LRP1B: variants seen among roughly 807,000 people sequenced by gnomAD.
LRP1B encodes low-density lipoprotein receptor-related protein 1B.
Under a neutral mutation model 556.6 loss-of-function variants are expected in LRP1B, and 217 were observed. The ratio of observed to expected loss-of-function variants is 0.39; its 90% CI spans 0.35 to 0.44. LRP1B has a LOEUF of 0.44. Ranked by LOEUF, LRP1B falls within the 20% of genes least tolerant of loss-of-function variation. The pLI, the probability that LRP1B is intolerant of heterozygous loss-of-function variation, is 1.00. For missense variants in LRP1B, 5,053 were observed against 5,620.8 expected, an observed-to-expected ratio of 0.90 and a Z score of 3.23; for synonymous variants, 2,047 against 1,865.8, an observed-to-expected ratio of 1.10 and a Z score of -2.50.
At chr2:141,678,167 G>A (rs1220571825) in intron 2 of LRP1B, among the ~76,000 whole-genome samples, 3 of 152,054 alleles carry the variant, frequency 2.0e-5, no homozygotes, top group Non-Finnish European at 2.9e-5. Context: ...TACAGTTGAA[G>A]GAATATAAAC....
intron 2 of LRP1B, among the ~76,000 whole-genome samples, chr2:141,717,589 T>C (rs1020665654): frequency 6.6e-6 from 1 of 152,186 alleles, no homozygotes; most frequent in African/African-American, 2.4e-5. Context: ...AATAAAGGAA[T>C]CTGCTGGTGC....
At chr2:141,085,229 A>G (rs1255177345) in intron 7 of LRP1B, among the ~76,000 whole-genome samples, 1 of 152,184 alleles carries the variant, frequency 6.6e-6, no homozygotes, top group Non-Finnish European at 1.5e-5. Context: ...CTTTTAAAAT[A>G]AATTGCAAAC....
At position 141,810,323 on chromosome 2, in the gene LRP1B, C is replaced by T. The variant is rs747406586; in HGVS notation, c.161G>A (p.Gly54Glu). Reference protein sequence around the residue: ...TCVSQSWLCDGDPDCPDDSDE... With the variant: ...TCVSQSWLCDEDPDCPDDSDE... The stretch of plus-strand genomic sequence containing the variant: ...TGAATCATCAGGGCAGTCAGGGTCC[C>T]CATCACACAGCCAGCTCTGGGAGAC... Residue 54 changes from glycine to glutamate, a missense_variant, in exon 2 of 91, where the codon GGG (glycine) becomes GAG (glutamate). By Grantham distance (98) the Gly-to-Glu change is moderately conservative. Transcript: ENST00000389484. The T allele has an allele frequency of 7.4e-6, 12 of 1,613,060 alleles. No homozygotes were observed. In the South Asian group the frequency reaches 1.2e-4, roughly 16 times the overall value.
At chr2:140,744,380 G>GTGTT (rs1559091101) in intron 35 of LRP1B, among the ~76,000 whole-genome samples, 2 of 152,140 alleles carry the variant, frequency 1.3e-5, no homozygotes, top group African/African-American at 4.8e-5. Flanking sequence ...CTGAAGGACA[G>GTGTT]TGTTTAAGAT....
chr2:141,836,536 G>A (rs1204509411), intron 1 of LRP1B, among the ~76,000 whole-genome samples: 1 of 151,824 alleles, frequency 6.6e-6, no homozygotes, highest in Non-Finnish European at 1.5e-5. Flanking sequence ...GATAAAAAGA[G>A]CATCACCGGC....
At chr2:141,444,492 C>T (rs902542520) in intron 3 of LRP1B, among the ~76,000 whole-genome samples, 3 of 152,124 alleles carry the variant, frequency 2.0e-5, no homozygotes, top group African/African-American at 7.2e-5. Flanking sequence ...AGAGGGCATC[C>T]TTGTCTTGTG....
chr2:140,436,020 T>C (rs13030114), intron 66 of LRP1B, among the ~76,000 whole-genome samples: 48,490 of 151,632 alleles, frequency 0.32, 8,258 homozygotes, highest in African/African-American at 0.35. Context: ...TATACACACA[T>C]AAATACATTC....
At chr2:141,039,811 G>C (rs186562842) in intron 11 of LRP1B, among the ~76,000 whole-genome samples, 1 of 151,796 alleles carries the variant, frequency 6.6e-6, no homozygotes, top group East Asian at 1.9e-4. Context: ...TAATCTTCTC[G>C]TATGCATGTC....
intron 86 of LRP1B, among the ~76,000 whole-genome samples, chr2:140,264,094 T>C (rs1275337578): frequency 6.6e-6 from 1 of 152,188 alleles, no homozygotes; most frequent in African/African-American, 2.4e-5. Flanking sequence ...ACATTGTCTG[T>C]TCATTCACAT....
chr2:141,460,866 A>T (rs144653448), intron 3 of LRP1B, among the ~76,000 whole-genome samples: 8 of 152,102 alleles, frequency 5.3e-5, no homozygotes, highest in African/African-American at 1.9e-4. Context: ...GCTGCCCCCA[A>T]CTGAGAAGGA....
At chr2:141,916,504 G>T (rs1045265461) in intron 1 of LRP1B, among the ~76,000 whole-genome samples, 4 of 150,418 alleles carry the variant, frequency 2.7e-5, no homozygotes, top group African/African-American at 9.8e-5. Context: ...AGCTGGGACT[G>T]CAGGCACCCG....
intron 23 of LRP1B, 121 bp downstream of exon 23, chr2:140,902,799 A>T: frequency 9.9e-7 from 1 of 1,012,050 alleles, no homozygotes; most frequent in Non-Finnish European, 1.4e-6. Flanking sequence ...AACACATTAT[A>T]GTTAAATGCT....
intron 50 of LRP1B, 34 bp downstream of exon 50, chr2:140,516,855 G>T (rs200466131): frequency 2.6e-5 from 42 of 1,606,112 alleles, no homozygotes; most frequent in Non-Finnish European, 3.0e-5. Context: ...TAATAGTAAG[G>T]TTAACAAAAA....
rs550541488 is a variant in LRP1B at position 140,463,877 on chromosome 2, G to A, written c.9626-6226C>T. Among the ~76,000 whole-genome samples, 110 of 152,250 alleles carry A rather than the reference G, an allele frequency of 7.2e-4. 1 individual carries two copies. The highest frequency in any genetic ancestry group is 3.4e-3 in the Middle Eastern group (1 of 292). The stretch of plus-strand genomic sequence containing the variant: ...TTTATACTGGGACACTTAAATAAGT[G>A]TAATACGTAATGTGGAAGCATAGAA... On this transcript the variant is annotated intron_variant, in intron 60 of 90. Coordinates refer to ENST00000389484, the MANE Select transcript of LRP1B (RefSeq NM_018557.3).
intron 6 of LRP1B, among the ~76,000 whole-genome samples, chr2:141,201,546 T>C (rs1682018226): frequency 1.3e-5 from 2 of 151,912 alleles, no homozygotes; most frequent in Admixed American, 1.3e-4. Context: ...TTACTTTAGA[T>C]TACGTTTTGA....
At chr2:140,446,834 A>G (rs1686678340) in intron 63 of LRP1B, among the ~76,000 whole-genome samples, 1 of 152,184 alleles carries the variant, frequency 6.6e-6, no homozygotes, top group Non-Finnish European at 1.5e-5. Context: ...ATGGAATTAC[A>G]TCAAATTAAA....
At chr2:140,802,341 A>C (rs886151058) in intron 32 of LRP1B, among the ~76,000 whole-genome samples, 1 of 152,242 alleles carries the variant, frequency 6.6e-6, no homozygotes, top group East Asian at 1.9e-4. Context: ...TCATCATTGA[A>C]TACCCCAGTG....
At chr2:140,891,919 C>T (rs993961115) in intron 23 of LRP1B, among the ~76,000 whole-genome samples, 4 of 151,958 alleles carry the variant, frequency 2.6e-5, no homozygotes, top group African/African-American at 9.7e-5. Context: ...ATGTCAAGTT[C>T]GTGATTTGCT....
At chr2:141,985,971 T>A (rs545196318) in intron 1 of LRP1B, among the ~76,000 whole-genome samples, 3 of 152,080 alleles carry the variant, frequency 2.0e-5, no homozygotes, top group African/African-American at 7.2e-5. Context: ...AAGTAGATAT[T>A]TCATTTCTTG....
Sources: allele counts gnomAD v4.1 joint callset (sites outside exome capture counted in the v4.1 genomes callset), GRCh38; gene constraint gnomAD v4.1.1; transcripts MANE v1.5; gene names NCBI Gene and HGNC (gene_info 2026-07-23, HGNC 2026-07-21).